The following ARHGAP24 variants were observed in gnomAD, a reference collection of about 807,000 sequenced individuals.
The protein encoded by ARHGAP24 is Rho GTPase activating protein 24.
Under a neutral mutation model 76.4 loss-of-function variants are expected in ARHGAP24, and 50 were observed. That is an observed-to-expected ratio of 0.65 (90% CI 0.52 to 0.83). ARHGAP24 has a LOEUF of 0.83. Among genes scored for constraint, ARHGAP24 ranks in the 40% least tolerant of loss-of-function variants. ARHGAP24 has a pLI of 0.00. For missense variants in ARHGAP24, 930 were observed against 914.2 expected, an observed-to-expected ratio of 1.02 and a Z score of -0.22; for synonymous variants, 345 against 323.3, an observed-to-expected ratio of 1.07 and a Z score of -0.72.
chr4:85,799,693 T>C (rs185429757), intron 3 of ARHGAP24, among the ~76,000 whole-genome samples: 1 of 152,304 alleles, frequency 6.6e-6, no homozygotes, highest in African/African-American at 2.4e-5. Flanking sequence ...TCTTTTCAAA[T>C]ATTTAATAAC....
chr4:85,606,499 C>T (rs901944570), intron 2 of ARHGAP24, among the ~76,000 whole-genome samples: 6 of 130,630 alleles, frequency 4.6e-5, no homozygotes, highest in African/African-American at 9.0e-5. Context: ...GGCGACAGAG[C>T]GAGACTCCAT....
intron 5 of ARHGAP24, among the ~76,000 whole-genome samples, chr4:85,967,223 T>C (rs1738673901): frequency 6.6e-6 from 1 of 152,116 alleles, no homozygotes; most frequent in Non-Finnish European, 1.5e-5. Context: ...ACTCAGCAGT[T>C]AGAATATACA....
chr4:85,867,229 A>G (rs531979070), intron 3 of ARHGAP24, among the ~76,000 whole-genome samples: 2 of 152,272 alleles, frequency 1.3e-5, no homozygotes, highest in South Asian at 4.1e-4. Flanking sequence ...AGCCATTTTA[A>G]TATTTTTTAA....
intron 3 of ARHGAP24, among the ~76,000 whole-genome samples, chr4:85,726,878 C>G (rs920805403): frequency 5.9e-5 from 9 of 152,242 alleles, no homozygotes; most frequent in African/African-American, 2.2e-4. Flanking sequence ...GGTTAAAAAG[C>G]TAACACTGGG....
At chr4:85,811,875 T>A (rs1229583744) in intron 3 of ARHGAP24, among the ~76,000 whole-genome samples, 4 of 152,190 alleles carry the variant, frequency 2.6e-5, no homozygotes, top group Non-Finnish European at 5.9e-5. Flanking sequence ...TTTTCTACCT[T>A]TATAATAAAT....
At chr4:85,530,090 C>T (rs1252412182) in intron 1 of ARHGAP24, among the ~76,000 whole-genome samples, 1 of 151,758 alleles carries the variant, frequency 6.6e-6, no homozygotes, top group Admixed American at 6.6e-5. Flanking sequence ...AGTTCTATTA[C>T]AAAACAGATG....
At chr4:85,714,356 C>T (rs190923804) in intron 2 of ARHGAP24, among the ~76,000 whole-genome samples, 1 of 152,178 alleles carries the variant, frequency 6.6e-6, no homozygotes, top group East Asian at 1.9e-4. Flanking sequence ...CTCCTAGGAT[C>T]TGAATACCTG....
At chr4:85,664,178 A>G (rs908305339) in intron 2 of ARHGAP24, among the ~76,000 whole-genome samples, 2 of 151,520 alleles carry the variant, frequency 1.3e-5, no homozygotes, top group African/African-American at 4.9e-5. Context: ...GATTATTGCC[A>G]CAATTTCAGA....
chr4:85,692,868 C>A (rs184435463), intron 2 of ARHGAP24, among the ~76,000 whole-genome samples: 1 of 152,306 alleles, frequency 6.6e-6, no homozygotes, highest in Admixed American at 6.5e-5. Context: ...AGTGAGGGGA[C>A]ACTCTTGCTT....
intron 3 of ARHGAP24, among the ~76,000 whole-genome samples, chr4:85,876,389 A>G (rs927638967): frequency 2.0e-5 from 3 of 152,156 alleles, no homozygotes; most frequent in African/African-American, 7.2e-5. Flanking sequence ...CCATTTTGTG[A>G]GGGCTAGTTT....
In ARHGAP24 at chr4:85,972,141, C is replaced by T. The variant is rs867175033; in HGVS notation, c.705C>T (p.Ala235=). Reference sequence around the variant, plus strand: ...AGTATGAAGATTTTTTGTCATGTGCCAAACTGCTCAGCAAGGAAGAGGAAG... The same window carrying T: ...AGTATGAAGATTTTTTGTCATGTGCTAAACTGCTCAGCAAGGAAGAGGAAG... The part of the protein sequence containing the change: ...YAKYEDFLSC[A]KLLSKEEEAG... Residue 235 remains alanine (A), a synonymous_variant, in exon 6 of 10, where the codon GCC becomes GCT. Transcript: ENST00000395184. The T allele has an allele frequency of 6.2e-7, 1 of 1,613,526 alleles. No individual in the cohort carries two copies. The highest frequency in any genetic ancestry group is 8.5e-7 in the Non-Finnish European group (1 of 1,179,960).
intron 2 of ARHGAP24, among the ~76,000 whole-genome samples, chr4:85,683,088 A>G (rs1007410228): frequency 1.0e-5 from 1 of 98,084 alleles, no homozygotes; most frequent in Admixed American, 1.7e-4. Flanking sequence ...ACCTCCATCA[A>G]CTCTTAACTC....
At chr4:85,539,027 G>A (rs1237076923) in intron 1 of ARHGAP24, among the ~76,000 whole-genome samples, 1 of 152,170 alleles carries the variant, frequency 6.6e-6, no homozygotes, top group African/African-American at 2.4e-5. Context: ...ACAGACAGTT[G>A]TGGGAATGTG....
At chr4:85,737,018 C>T (rs895956819) in intron 3 of ARHGAP24, among the ~76,000 whole-genome samples, 4 of 152,064 alleles carry the variant, frequency 2.6e-5, no homozygotes, top group Admixed American at 2.0e-4. Context: ...CATCTTTCCC[C>T]TAGTTGATGT....
At chr4:85,590,192 G>T (rs145254809) in intron 2 of ARHGAP24, among the ~76,000 whole-genome samples, 15 of 111,236 alleles carry the variant, frequency 1.3e-4, no homozygotes, top group Admixed American at 3.1e-4. Flanking sequence ...CTGCCTGCCT[G>T]CCTTCCTTCC....
chr4:85,732,121 G>T (rs1199679838), intron 3 of ARHGAP24, among the ~76,000 whole-genome samples: 1 of 152,144 alleles, frequency 6.6e-6, no homozygotes, highest in African/African-American at 2.4e-5. Context: ...ATCTAATCAA[G>T]CTATGAAAAT....
At chr4:85,665,204 T>C (rs1318701706) in intron 2 of ARHGAP24, among the ~76,000 whole-genome samples, 1 of 152,196 alleles carries the variant, frequency 6.6e-6, no homozygotes, top group Non-Finnish European at 1.5e-5. Context: ...GCTCCTGTAT[T>C]GGGTGCATAT....
intron 2 of ARHGAP24, among the ~76,000 whole-genome samples, chr4:85,649,401 T>C (rs1721850728): frequency 6.6e-6 from 1 of 152,122 alleles, no homozygotes; most frequent in Admixed American, 6.6e-5. Flanking sequence ...CGGTGTTCAA[T>C]ATTTAAATGA....
intron 2 of ARHGAP24, among the ~76,000 whole-genome samples, chr4:85,677,685 C>T (rs938319174): frequency 6.6e-6 from 1 of 152,184 alleles, no homozygotes; most frequent in African/African-American, 2.4e-5. Context: ...TACACCTAGT[C>T]TGTTTAGGTC....
Sources: gnomAD v4.1 joint callset for allele counts (sites outside exome capture counted in the v4.1 genomes callset) on GRCh38, gnomAD v4.1.1 for gene constraint, MANE v1.5 for transcripts, NCBI Gene and HGNC (gene_info 2026-07-23, HGNC 2026-07-21) for gene names.